Variants in NEK7 observed in about 807,000 individuals in gnomAD.
NEK7 encodes serine/threonine-protein kinase Nek7.
A neutral mutation model predicts 44.6 loss-of-function variants in NEK7; 18 were observed. The observed-to-expected ratio is 0.40, with a 90% confidence interval of 0.28 to 0.60. The LOEUF (loss-of-function observed/expected upper bound fraction) is 0.60. Among genes scored for constraint, NEK7 ranks in the 20% least tolerant of loss-of-function variants. The pLI is 0.38. For synonymous variants in NEK7, 130 were observed against 121.1 expected (o/e 1.07, Z -0.48); for missense variants, 256 against 366.5 (o/e 0.70, Z 2.46).
At chr1:198,208,078 C>T (rs371735072) in intron 1 of NEK7, among the ~76,000 whole-genome samples, 17 of 152,200 alleles carry the variant, frequency 1.1e-4, no homozygotes, top group African/African-American at 3.4e-4. Context: ...TAAATTTGCC[C>T]TGTTGCCATG....
intron 1 of NEK7, among the ~76,000 whole-genome samples, chr1:198,165,594 A>T: frequency 6.6e-6 from 1 of 152,168 alleles, no homozygotes; most frequent in East Asian, 1.9e-4. Flanking sequence ...ATACTCAAAA[A>T]ACCATGCTGT....
intron 1 of NEK7, among the ~76,000 whole-genome samples, chr1:198,201,292 G>T (rs1665423083): frequency 6.6e-6 from 1 of 152,034 alleles, no homozygotes; most frequent in Non-Finnish European, 1.5e-5. Context: ...ACACTGAATG[G>T]GTCTGTATTC....
chr1:198,305,563 A>G (rs1490342652), intron 9 of NEK7, among the ~76,000 whole-genome samples: 1 of 152,140 alleles, frequency 6.6e-6, no homozygotes, highest in Non-Finnish European at 1.5e-5. Flanking sequence ...GGAGTAAAGA[A>G]ATTGTTCTGT....
chr1:198,280,047 C>T (rs892207026), intron 7 of NEK7, among the ~76,000 whole-genome samples: 5 of 152,042 alleles, frequency 3.3e-5, no homozygotes, highest in African/African-American at 1.2e-4. Context: ...TGAAATTTCA[C>T]AGTGATGCTG....
intron 1 of NEK7, among the ~76,000 whole-genome samples, chr1:198,164,255 C>T (rs1420635459): frequency 6.6e-6 from 1 of 152,190 alleles, no homozygotes; most frequent in Non-Finnish European, 1.5e-5. Context: ...AGCAGAATGT[C>T]CCAGTACCAG....
intron 1 of NEK7, among the ~76,000 whole-genome samples, chr1:198,211,866 T>C (rs1030390525): frequency 6.6e-6 from 1 of 152,142 alleles, no homozygotes; most frequent in African/African-American, 2.4e-5. Flanking sequence ...CACAGACCTT[T>C]TGAAAGACGC....
Position 198,217,731 on chromosome 1 carries a change from A to G in NEK7, c.-28-14822A>G, listed in dbSNP as rs74832728. Among the ~76,000 whole-genome samples, 398 of 151,912 alleles carry G rather than the reference A, an allele frequency of 2.6e-3. 1 individual carries two copies. Among genetic ancestry groups the G allele is most frequent in the Non-Finnish European group, 4.8e-3 (328 of 67,750 alleles). On this transcript the variant is annotated intron_variant, in intron 1 of 9. Coordinates refer to ENST00000367385, the MANE Select transcript of NEK7 (RefSeq NM_133494.3). ...CACTCCTAGATCTAATAAATGAATT[A>G]AGTATCAGGTTACAAAATCAATGTA...
intron 8 of NEK7, among the ~76,000 whole-genome samples, chr1:198,294,240 A>G (rs1654646032): frequency 6.6e-6 from 1 of 151,940 alleles, no homozygotes; most frequent in Non-Finnish European, 1.5e-5. Context: ...GTTATGAAAA[A>G]TTATGAGTCA....
chr1:198,198,082 G>C (rs1333610296), intron 1 of NEK7: 3 of 1,442,042 alleles, frequency 2.1e-6, no homozygotes, highest in African/African-American at 3.0e-5. Flanking sequence ...CTTGGGGAAA[G>C]GGTGGATTGA....
intron 2 of NEK7, among the ~76,000 whole-genome samples, chr1:198,250,682 G>C (rs1486560839): frequency 7.0e-6 from 1 of 142,886 alleles, no homozygotes; most frequent in Non-Finnish European, 1.5e-5. Flanking sequence ...CTCTCTGTTT[G>C]TCTGTTATTG....
chr1:198,268,551 C>T (rs976289044), intron 5 of NEK7, among the ~76,000 whole-genome samples: 2 of 152,050 alleles, frequency 1.3e-5, no homozygotes, highest in African/African-American at 4.8e-5. Flanking sequence ...TCCCAACATC[C>T]AGCACCCATT....
chr1:198,210,530 A>G (rs565020904), intron 1 of NEK7, among the ~76,000 whole-genome samples: 2 of 152,024 alleles, frequency 1.3e-5, no homozygotes, highest in Non-Finnish European at 2.9e-5. Context: ...ACCTTCTTAT[A>G]TGTAATCCCA....
At chr1:198,298,534 T>C (rs1488694529) in intron 9 of NEK7, among the ~76,000 whole-genome samples, 1 of 152,242 alleles carries the variant, frequency 6.6e-6, no homozygotes, top group Non-Finnish European at 1.5e-5. Context: ...AATACTATTA[T>C]GTTAGCCATT....
At chr1:198,277,194 T>G (rs996973290) in intron 5 of NEK7, among the ~76,000 whole-genome samples, 12 of 151,804 alleles carry the variant, frequency 7.9e-5, no homozygotes, top group Admixed American at 6.6e-5. Context: ...CTTATGAAGC[T>G]AAGAACTTTG....
intron 9 of NEK7, among the ~76,000 whole-genome samples, chr1:198,310,610 G>T (rs376910151): frequency 6.6e-6 from 1 of 151,298 alleles, no homozygotes; most frequent in African/African-American, 2.4e-5. Context: ...ATCTTGAATT[G>T]ATTTTTGTAT....
intron 1 of NEK7, among the ~76,000 whole-genome samples, chr1:198,188,940 A>G (rs1664993220): frequency 1.3e-5 from 2 of 152,172 alleles, no homozygotes; most frequent in Non-Finnish European, 2.9e-5. Context: ...GCAACCAGGC[A>G]TTGAACCTCA....
At chr1:198,211,826 C>A (rs1015808992) in intron 1 of NEK7, among the ~76,000 whole-genome samples, 3 of 152,080 alleles carry the variant, frequency 2.0e-5, no homozygotes, top group East Asian at 3.9e-4. Flanking sequence ...AGAAGCAACA[C>A]CGGAACTTAA....
At chr1:198,233,003 A>G (rs1272300115) in intron 2 of NEK7, among the ~76,000 whole-genome samples, 4 of 152,058 alleles carry the variant, frequency 2.6e-5, no homozygotes, top group African/African-American at 7.2e-5. Flanking sequence ...ATTTACAAAC[A>G]TGAAAACAAA....
chr1:198,175,931 T>A (rs970308641), intron 1 of NEK7, among the ~76,000 whole-genome samples: 1 of 152,200 alleles, frequency 6.6e-6, no homozygotes, highest in African/African-American at 2.4e-5. Context: ...TTTGATTTGT[T>A]GTTTCAGAGA....
Sources: allele counts gnomAD v4.1 joint callset (sites outside exome capture counted in the v4.1 genomes callset), GRCh38; gene constraint gnomAD v4.1.1; transcripts MANE v1.5; gene names NCBI Gene and HGNC (gene_info 2026-07-23, HGNC 2026-07-21).